Variants in KCNK15 observed in about 807,000 individuals in gnomAD.
KCNK15 encodes the protein potassium channel subfamily K member 15.
In KCNK15, 9 loss-of-function variants were observed where a neutral mutation model predicts 8.5. That is an observed-to-expected ratio of 1.06 (90% CI 0.64 to 1.85). The LOEUF (loss-of-function observed/expected upper bound fraction) is 1.85, where lower values mean the gene tolerates loss of function less well. Among genes scored for constraint, KCNK15 ranks in the 40% most tolerant of loss-of-function variants. The pLI is 0.00. For synonymous variants in KCNK15, 224 were observed against 232.7 expected (o/e 0.96, Z 0.34); for missense variants, 467 against 476.8 (o/e 0.98, Z 0.19).
chr20:44,750,616 TGCCCGCACCCCCA>T lies in KCNK15; in HGVS notation c.778_790del (p.Thr260AlafsTer101), dbSNP rs979995047. 6.3e-7 allele frequency: 1 copy of T among 1,599,700 alleles called. No homozygotes were observed. The highest frequency in any genetic ancestry group is 1.3e-5 in the African/African-American group (1 of 74,724). On this transcript the variant is annotated frameshift_variant, in exon 2 of 2. Transcript: ENST00000372861. LOFTEE classifies it low-confidence loss of function (END_TRUNC). ...CCAGCGCCGACTGGCCCGAGCGCGC[TGCCCGCACCCCCA>T]GCCCGCGCCCCCCGGGGGCGCCCGA...
rs1555858007 is a variant in KCNK15 at position 44,750,622 on chromosome 20, CA to C, written c.778del (p.Thr260ProfsTer105). Reference protein sequence around the residue: ...SADWPERAARTPSPRPPGAPE... With the variant: ...SADWPERAARXPSPRPPGAPE... The stretch of plus-strand genomic sequence containing the variant: ...CCGACTGGCCCGAGCGCGCTGCCCG[CA>C]CCCCCAGCCCGCGCCCCCCGGGGGC... On this transcript the variant is annotated frameshift_variant, in exon 2 of 2. Transcript: ENST00000372861. LOFTEE classifies it low-confidence loss of function (END_TRUNC). 5.0e-6 allele frequency: 8 copies of C among 1,592,338 alleles called. No homozygotes were observed. The highest frequency in any genetic ancestry group is 2.3e-5 in the East Asian group (1 of 44,398).
rs1375502766 is a variant in KCNK15 at position 44,751,052 on chromosome 20, C to T, written c.*214C>T. On this transcript the variant is annotated 3_prime_UTR_variant, in exon 2 of 2. Coordinates refer to ENST00000372861, the MANE Select transcript of KCNK15 (RefSeq NM_022358.4). ...AGCACAAACCAGGCTCCAGGGTCAC[C>T]CTGTAGGAGCAAATTCCTTGTAGTC... 2.6e-6 allele frequency: 1 copy of T among 382,876 alleles called. No homozygotes were observed. The highest frequency in any genetic ancestry group is 4.6e-6 in the Non-Finnish European group (1 of 218,280). 23.7% of individuals were successfully genotyped at this position (382,876 alleles called of 1,614,324 possible). A position where few individuals can be genotyped will look rare whatever the true frequency, so the allele number is the denominator to read the frequency against.
chr20:44,751,049 C>G lies in KCNK15; in HGVS notation c.*211C>G. ...ATAAGCACAAACCAGGCTCCAGGGT[C>G]ACCCTGTAGGAGCAAATTCCTTGTA... is the stretch of plus-strand genomic sequence containing the variant. On this transcript the variant is annotated 3_prime_UTR_variant, in exon 2 of 2. Coordinates refer to ENST00000372861, the MANE Select transcript of KCNK15 (RefSeq NM_022358.4). The G allele has an allele frequency of 2.5e-6, 1 of 393,252 alleles. No homozygotes were observed. Among genetic ancestry groups the G allele is most frequent in the Non-Finnish European group, 4.4e-6 (1 of 225,202 alleles). 24.4% of individuals were successfully genotyped at this position (393,252 alleles called of 1,614,324 possible).
chr20:44,750,573 T>G lies in KCNK15; in HGVS notation c.728T>G (p.Val243Gly), dbSNP rs1312122556. Residue 243 changes from valine (V) to glycine (G), a missense_variant, in exon 2 of 2, where the codon GTC becomes GGC. By Grantham distance (109) the Val-to-Gly change is moderately radical. Transcript: ENST00000372861. The stretch of plus-strand genomic sequence containing the variant: ...ATTGGCGCCTTCCTCAACCTGGTGG[T>G]CCTGCGCTTCCTCGTTGCCAGCGCC... ...TVIGAFLNLV[V>G]LRFLVASADW... is the part of the protein sequence containing the mutation. 4.4e-6 allele frequency: 7 copies of G among 1,600,916 alleles called. No homozygotes were observed. The highest frequency in any genetic ancestry group is 2.2e-5 in the East Asian group (1 of 44,846).
chr20:44,746,908 A>C (rs2066010193), intron 1 of KCNK15: 1 of 152,212 alleles, frequency 6.6e-6, no homozygotes, highest in Non-Finnish European at 1.5e-5. Context: ...GATGCAGAGC[A>C]GTTCCTTTGG....
At chr20:44,746,463 G>A (rs75531641) in intron 1 of KCNK15, among the ~76,000 whole-genome samples, 2,525 of 152,292 alleles carry the variant, frequency 0.017, 71 homozygotes, top group African/African-American at 0.056. Flanking sequence ...GGAGTGCTCA[G>A]AAAACGTCCA....
At position 44,750,449 on chromosome 20, in the gene KCNK15, T is replaced by C. The variant is rs1354881686; in HGVS notation, c.604T>C (p.Phe202Leu). Residue 202 changes from phenylalanine (F) to leucine (L), a missense_variant, in exon 2 of 2, where the codon TTC becomes CTC. Coordinates refer to ENST00000372861, the MANE Select transcript of KCNK15 (RefSeq NM_022358.4). Reference protein sequence around the residue: ...YCFITLTTIGFGDFVALQSGE... With the variant: ...YCFITLTTIGLGDFVALQSGE... ...CTTCATCACCCTCACCACCATCGGC[T>C]TCGGCGACTTCGTGGCACTGCAGAG... 6.2e-7 allele frequency: 1 copy of C among 1,614,020 alleles called. No homozygotes were observed. Among genetic ancestry groups the C allele is most frequent in the Admixed American group, 1.7e-5 (1 of 60,020 alleles).
At position 44,750,329 on chromosome 20, in the gene KCNK15, G is replaced by A; in HGVS notation, c.484G>A (p.Ala162Thr). The A allele has an allele frequency of 6.2e-7, 1 of 1,610,588 alleles. No individual in the cohort carries two copies. Among genetic ancestry groups the A allele is most frequent in the Non-Finnish European group, 8.5e-7 (1 of 1,178,996 alleles). ...CGTGTCCACGGAGAACCTGGTGGTG[G>A]CCGGGCTGCTGGCGTGTGCCGCCAC... is the stretch of plus-strand genomic sequence containing the variant. ...TCVSTENLVV[A>T]GLLACAATLA... The change falls in exon 2 of 2, where the codon GCC (alanine) becomes ACC (threonine). Residue 162 changes from alanine (A) to threonine (T), a missense_variant. Coordinates refer to ENST00000372861, the MANE Select transcript of KCNK15 (RefSeq NM_022358.4).
chr20:44,750,323 G>C lies in KCNK15; in HGVS notation c.478G>C (p.Val160Leu). 6.2e-7 allele frequency: 1 copy of C among 1,610,252 alleles called. No homozygotes were observed. Among genetic ancestry groups the C allele is most frequent in the Non-Finnish European group, 8.5e-7 (1 of 1,178,874 alleles). ...RWTCVSTENL[V>L]VAGLLACAAT... ...GACGTGCGTGTCCACGGAGAACCTG[G>C]TGGTGGCCGGGCTGCTGGCGTGTGC... Residue 160 changes from valine to leucine, a missense_variant, in exon 2 of 2, where the codon GTG (valine) becomes CTG (leucine). Transcript: ENST00000372861.
rs2066024541 is a variant in KCNK15, at chr20:44,750,391, G to A, written c.546G>A (p.Glu182=). 1.9e-6 allele frequency: 3 copies of A among 1,613,918 alleles called. No homozygotes were observed. The highest frequency in any genetic ancestry group is 1.3e-5 in the African/African-American group (1 of 75,038). ...GGGCCGTCGCCTTCTCGCACTTCGA[G>A]GGCTGGACCTTCTTCCACGCCTACT... ...ALGAVAFSHF[E]GWTFFHAYYY... is the part of the protein sequence containing the mutation. Residue 182 remains glutamate, a synonymous_variant, in exon 2 of 2, where the codon GAG becomes GAA. Coordinates refer to ENST00000372861, the MANE Select transcript of KCNK15 (RefSeq NM_022358.4).
chr20:44,746,526 C>A, intron 1 of KCNK15: 1 of 243,994 alleles, frequency 4.1e-6, no homozygotes, highest in South Asian at 1.8e-4. Flanking sequence ...GCTGGATTTG[C>A]TTTTCCTTGC....
In KCNK15 at chr20:44,750,626, C is replaced by G. The variant is rs755306621; in HGVS notation, c.781C>G (p.Pro261Ala). Residue 261 changes from proline (P) to alanine (A), a missense_variant, in exon 2 of 2, where the codon CCC becomes GCC. Physicochemically the swap from Pro to Ala is conservative, Grantham distance 27. Coordinates refer to ENST00000372861, the MANE Select transcript of KCNK15 (RefSeq NM_022358.4). ...ADWPERAART[P>A]SPRPPGAPES... Reference sequence around the variant, plus strand: ...CTGGCCCGAGCGCGCTGCCCGCACCCCCAGCCCGCGCCCCCCGGGGGCGCC... The same window carrying G: ...CTGGCCCGAGCGCGCTGCCCGCACCGCCAGCCCGCGCCCCCCGGGGGCGCC... 142 of 1,589,200 alleles carry G rather than the reference C, an allele frequency of 8.9e-5. No homozygotes were observed. The Middle Eastern group carries it at 9.2e-4, about 10-fold the overall frequency.
chr20:44,750,888 A>G lies in KCNK15; in HGVS notation c.*50A>G. 1.6e-6 allele frequency: 2 copies of G among 1,233,424 alleles called. No homozygotes were observed. The highest frequency in any genetic ancestry group is 1.0e-6 in the Non-Finnish European group (1 of 956,724). The allele number at this position is 1,233,424 out of a possible 1,614,324, so 76.4% of individuals were successfully genotyped here. The stretch of plus-strand genomic sequence containing the variant: ...ATCTGGAATGGGAGGGTCTGGCTTC[A>G]GCTATCAGGGCACCCTCCCCAGGGA... On this transcript the variant is annotated 3_prime_UTR_variant, in exon 2 of 2. Transcript: ENST00000372861.
In KCNK15 at chr20:44,751,021, A is replaced by AC. The variant is rs1052627355; in HGVS notation, c.*185dup. The AC allele has an allele frequency of 2.3e-6, 1 of 439,050 alleles. No homozygotes were observed. The allele number at this position is 439,050 out of a possible 1,614,324, so 27.2% of individuals were successfully genotyped here. On this transcript the variant is annotated 3_prime_UTR_variant, in exon 2 of 2. Coordinates refer to ENST00000372861, the MANE Select transcript of KCNK15 (RefSeq NM_022358.4). ...CTTTCCAAAAATATATTACAGTCAC[A>AC]CCATAAGCACAAACCAGGCTCCAGG...
Position 44,751,877 on chromosome 20 carries a change from C to T in KCNK15, c.*1039C>T, listed in dbSNP as rs1029076191. ...ATGAACACAATGCAACGCGACCCCA[C>T]TCCAACCCAAGGGCCCCAGAAACCC... On this transcript the variant is annotated 3_prime_UTR_variant, in exon 2 of 2. Transcript: ENST00000372861. The T allele has an allele frequency of 1.3e-5, 2 of 152,246 alleles. No individual in the cohort carries two copies. The highest frequency in any genetic ancestry group is 4.8e-5 in the African/African-American group (2 of 41,454). The allele number at this position is 152,246 out of a possible 1,614,324, so 9.4% of individuals were successfully genotyped here.
Position 44,750,994 on chromosome 20 carries a change from T to A in KCNK15, c.*156T>A, listed in dbSNP as rs1052073624. On this transcript the variant is annotated 3_prime_UTR_variant, in exon 2 of 2. Transcript: ENST00000372861. ...ACTGTCTGTGGCTAAGTCCCCTCCC[T>A]CCTTTCCAAAAATATATTACAGTCA... The A allele has an allele frequency of 4.0e-6, 2 of 500,228 alleles. No homozygotes were observed. The highest frequency in any genetic ancestry group is 4.3e-5 in the Admixed American group (1 of 23,164). 31.0% of individuals were successfully genotyped at this position (500,228 alleles called of 1,614,324 possible).
Position 44,746,015 on chromosome 20 carries a change from C to T in KCNK15, c.105C>T (p.Ser35=). The change falls in exon 1 of 2, where the codon AGC becomes AGT. Residue 35 remains serine (S), a synonymous_variant. Coordinates refer to ENST00000372861, the MANE Select transcript of KCNK15 (RefSeq NM_022358.4). ...ACGCGCTCGAGTCCGAGGCGGAAAG[C>T]GGCCGCCAGCGACTGCTGGTCCAGA... ...VFDALESEAE[S]GRQRLLVQKR... The T allele has an allele frequency of 2.0e-6, 3 of 1,528,408 alleles. No homozygotes were observed. The highest frequency in any genetic ancestry group is 1.8e-6 in the Non-Finnish European group (2 of 1,137,482). The allele number at this position is 1,528,408 out of a possible 1,614,324, so 94.7% of individuals were successfully genotyped here. A position where few individuals can be genotyped will look rare whatever the true frequency, so the allele number is the denominator to read the frequency against.
In KCNK15 at chr20:44,750,409, C is replaced by T. The variant is rs2066024678; in HGVS notation, c.564C>T (p.His188=). ...FSHFEGWTFF[H]AYYYCFITLT... ...ACTTCGAGGGCTGGACCTTCTTCCACGCCTACTACTACTGCTTCATCACCC... is the reference window on the plus strand; with the variant it reads ...ACTTCGAGGGCTGGACCTTCTTCCATGCCTACTACTACTGCTTCATCACCC... Residue 188 remains histidine, a synonymous_variant, in exon 2 of 2, where the codon CAC becomes CAT. Coordinates refer to ENST00000372861, the MANE Select transcript of KCNK15 (RefSeq NM_022358.4). The T allele has an allele frequency of 9.3e-6, 15 of 1,614,008 alleles. No individual in the cohort carries two copies. Among genetic ancestry groups the T allele is most frequent in the Admixed American group, 1.7e-5 (1 of 60,030 alleles).
intron 1 of KCNK15, among the ~76,000 whole-genome samples, chr20:44,747,694 G>C (rs1273008196): frequency 6.6e-6 from 1 of 152,260 alleles, no homozygotes; most frequent in Non-Finnish European, 1.5e-5. Context: ...GGCCACTTGG[G>C]GGCACCACCA....
Sources: gnomAD v4.1 joint callset for allele counts (sites outside exome capture counted in the v4.1 genomes callset) on GRCh38, gnomAD v4.1.1 for gene constraint, MANE v1.5 for transcripts, NCBI Gene and HGNC (gene_info 2026-07-23, HGNC 2026-07-21) for gene names.